Variants in GPR155 observed in about 807,000 individuals in gnomAD.
The protein encoded by GPR155 is lysosomal cholesterol signaling protein.
A neutral mutation model predicts 93.1 loss-of-function variants in GPR155; 65 were observed. That is an observed-to-expected ratio of 0.70 (90% CI 0.57 to 0.86). The LOEUF (loss-of-function observed/expected upper bound fraction) is 0.86, where lower values mean the gene tolerates loss of function less well. GPR155 is among the 40% of genes least tolerant of loss of function. The probability of loss-of-function intolerance (pLI) is 0.00; values close to 1 mark genes in which losing one functional copy is unlikely to be tolerated. For missense variants in GPR155, 838 were observed against 1,034.8 expected, an observed-to-expected ratio of 0.81 and a Z score of 2.61; for synonymous variants, 319 against 360.1, an observed-to-expected ratio of 0.89 and a Z score of 1.29.
intron 11 of GPR155, among the ~76,000 whole-genome samples, chr2:174,451,119 G>A (rs542875281): frequency 6.6e-6 from 1 of 152,138 alleles, no homozygotes; most frequent in East Asian, 1.9e-4. Flanking sequence ...ACACCAGCCT[G>A]GCCAACATGG....
At chr2:174,474,387 A>C (rs1265744254) in intron 2 of GPR155, among the ~76,000 whole-genome samples, 1 of 152,226 alleles carries the variant, frequency 6.6e-6, no homozygotes, top group Non-Finnish European at 1.5e-5. Flanking sequence ...GGAGATACTT[A>C]AGGAGTAGAG....
chr2:174,478,931 C>T (rs964261797), intron 2 of GPR155, among the ~76,000 whole-genome samples: 1 of 151,918 alleles, frequency 6.6e-6, no homozygotes, highest in South Asian at 2.1e-4. Flanking sequence ...AGCAGATACT[C>T]ACCCCTAATA....
rs1396612468 is a variant in GPR155 at position 174,436,174 on chromosome 2, T to C, written c.2555A>G (p.Gln852Arg). 1.9e-6 allele frequency: 3 copies of C among 1,614,066 alleles called. No homozygotes were observed. Among genetic ancestry groups the C allele is most frequent in the Non-Finnish European group, 2.5e-6 (3 of 1,179,906 alleles). Residue 852 changes from glutamine to arginine, a missense_variant, in exon 16 of 16, where the codon CAG becomes CGG. Gln to Arg is a conservative substitution (Grantham distance 43, BLOSUM62 1). Around this residue, in one of 3 missense-constraint regions of GPR155, gnomAD observed 146 missense variants for 177.5 expected, o/e 0.82. Transcript: ENST00000392552. The part of the protein sequence containing the change: ...PPAINANTLQ[Q>R]ERYKEIEHSS... Reference sequence around the variant, plus strand: ...ATGCTCAATTTCTTTATATCTTTCCTGTTGGAGAGTGTTTGCATTAATAGC... The same window carrying C: ...ATGCTCAATTTCTTTATATCTTTCCCGTTGGAGAGTGTTTGCATTAATAGC...
At chr2:174,444,930 T>C in intron 13 of GPR155, 151 bp downstream of exon 13, 1 of 600,050 alleles carries the variant, frequency 1.7e-6, no homozygotes, top group Non-Finnish European at 3.0e-6. Flanking sequence ...AGCTGTCAGC[T>C]GCCATGCATA....
chr2:174,483,475 T>C (rs1688388183), intron 1 of GPR155, among the ~76,000 whole-genome samples: 2 of 152,206 alleles, frequency 1.3e-5, no homozygotes, highest in Admixed American at 1.3e-4. Context: ...ACAATAATTA[T>C]CAGACCCCCT....
At chr2:174,446,152 C>T (rs1471025191) in intron 12 of GPR155, among the ~76,000 whole-genome samples, 1 of 151,598 alleles carries the variant, frequency 6.6e-6, no homozygotes, top group East Asian at 1.9e-4. Flanking sequence ...ACTACAAATA[C>T]AAAAATTAGC....
rs1384511478 is a variant in GPR155 at position 174,473,315 on chromosome 2, A to G, written c.510T>C (p.Tyr170=). ...TCATAAGAGATATTGGTGCCACCAAATAAATGTACTGGAGATATTCTGGGT... is the reference window on the plus strand; with the variant it reads ...TCATAAGAGATATTGGTGCCACCAAGTAAATGTACTGGAGATATTCTGGGT... ...TTYPEYLQYI[Y]LVAPISLMML... Residue 170 remains tyrosine (Y), a synonymous_variant, in exon 3 of 16, where the codon TAT becomes TAC. Transcript: ENST00000392552. 1 of 1,603,244 alleles carries G rather than the reference A, an allele frequency of 6.2e-7. No homozygotes were observed. Among genetic ancestry groups the G allele is most frequent in the Non-Finnish European group, 8.5e-7 (1 of 1,173,464 alleles).
At chr2:174,444,763 T>C (rs1312708218) in intron 13 of GPR155, among the ~76,000 whole-genome samples, 1 of 152,122 alleles carries the variant, frequency 6.6e-6, no homozygotes. Flanking sequence ...CCCAAAGTGC[T>C]GGGGTTACAG....
intron 11 of GPR155, among the ~76,000 whole-genome samples, chr2:174,450,152 A>G (rs1687274225): frequency 6.6e-6 from 1 of 151,744 alleles, no homozygotes; most frequent in African/African-American, 2.4e-5. Flanking sequence ...AAAAAAAAGA[A>G]TGAAATAATG....
chr2:174,435,543 C>T lies in GPR155; in HGVS notation c.*573G>A, dbSNP rs976847910. 2 of 152,162 alleles carry T rather than the reference C, an allele frequency of 1.3e-5. No individual in the cohort carries two copies. Among genetic ancestry groups the T allele is most frequent in the African/African-American group, 2.4e-5 (1 of 41,396 alleles). 9.4% of individuals were successfully genotyped at this position (152,162 alleles called of 1,614,324 possible). On this transcript the variant is annotated 3_prime_UTR_variant, in exon 16 of 16. Coordinates refer to ENST00000392552, the MANE Select transcript of GPR155 (RefSeq NM_152529.7). ...CTGGAGTGCAGTGGCACGATCTCGG[C>T]TCACAGCAACCTCTGCCTCCCAGAT...
intron 7 of GPR155, 85 bp downstream of exon 7, chr2:174,465,700 C>T: frequency 1.4e-6 from 1 of 708,552 alleles, no homozygotes; most frequent in Non-Finnish European, 2.5e-6. Context: ...TACCAGACTT[C>T]AAATAGATCA....
chr2:174,473,241 T>A lies in GPR155; in HGVS notation c.584A>T (p.Asp195Val). 6.2e-7 allele frequency: 1 copy of A among 1,613,852 alleles called. No homozygotes were observed. Among genetic ancestry groups the A allele is most frequent in the Non-Finnish European group, 8.5e-7 (1 of 1,179,814 alleles). Residue 195 changes from aspartate to valine, a missense_variant, in exon 3 of 16, where the codon GAC (aspartate) becomes GTC (valine). Transcript: ENST00000392552. ...TTTATTTTGAGAAGCATTTTGAGTG[T>A]CTTTCCACTTTTGGATTTCACAGAA... ...FIFCEIQKWK[D>V]TQNASQNKIK...
intron 2 of GPR155, among the ~76,000 whole-genome samples, chr2:174,475,462 T>C (rs1052728061): frequency 2.6e-5 from 4 of 151,916 alleles, no homozygotes; most frequent in Admixed American, 6.6e-5. Context: ...TATGTAACCT[T>C]TAGAAGGTCA....
intron 10 of GPR155, among the ~76,000 whole-genome samples, chr2:174,458,772 C>A (rs1424265769): frequency 1.3e-5 from 2 of 152,056 alleles, no homozygotes; most frequent in Non-Finnish European, 1.5e-5. Flanking sequence ...TTTAATTTTT[C>A]TTCAACCCTT....
chr2:174,458,287 A>G (rs1193562367), intron 10 of GPR155, among the ~76,000 whole-genome samples: 1 of 152,202 alleles, frequency 6.6e-6, no homozygotes, highest in East Asian at 1.9e-4. Context: ...TCCTAGGACC[A>G]TGGTAACTGG....
chr2:174,467,845 T>C (rs939430174), intron 5 of GPR155, among the ~76,000 whole-genome samples: 1 of 20,382 alleles, frequency 4.9e-5, no homozygotes, highest in Admixed American at 8.9e-4. Context: ...AAGTGACTCT[T>C]GTGCCTCCAG....
At chr2:174,440,137 A>T in intron 14 of GPR155, 102 bp from the exon 15 acceptor site, 1 of 888,906 alleles carries the variant, frequency 1.1e-6, no homozygotes. Context: ...AAAGCTGTCG[A>T]TCACCAAAGC....
intron 1 of GPR155, among the ~76,000 whole-genome samples, chr2:174,486,565 G>A (rs1051326683): frequency 6.6e-6 from 1 of 152,230 alleles, no homozygotes; most frequent in Non-Finnish European, 1.5e-5. Context: ...ATAAAGGGAA[G>A]AGTCTAAGAA....
rs140951344 is a variant in GPR155 at position 174,480,394 on chromosome 2, T to C, written c.460+1103A>G. On this transcript the variant is annotated intron_variant, in intron 2 of 15. Transcript: ENST00000392552. ...GCCACTGGTACGAAACAGTTCCTTA[T>C]GAGTGAGTGAATGAATGAATGAATG... Among the ~76,000 whole-genome samples, 80 of 152,332 alleles carry C rather than the reference T, an allele frequency of 5.3e-4. 1 individual carries two copies. In the South Asian group the frequency reaches 9.3e-3, roughly 18 times the overall value.
Sources: gnomAD v4.1 joint callset for allele counts (sites outside exome capture counted in the v4.1 genomes callset) on GRCh38, gnomAD v4.1.1 for gene constraint, gnomAD v4.1.1 regional missense constraint, MANE v1.5 for transcripts, NCBI Gene and HGNC (gene_info 2026-07-23, HGNC 2026-07-21) for gene names.